Variants in H2BC4 observed in about 807,000 individuals in gnomAD.
H2BC4 encodes the protein histone H2B type 1-C/E/F/G/I.
Under a neutral mutation model 6.2 loss-of-function variants are expected in H2BC4, and 10 were observed. That is an observed-to-expected ratio of 1.61 (90% confidence interval 0.99 to 2.73). The LOEUF (loss-of-function observed/expected upper bound fraction) is 2.73, where lower values mean the gene tolerates loss of function less well. Ranked by LOEUF, H2BC4 falls within the 30% of genes most tolerant of loss-of-function variation. The probability of loss-of-function intolerance (pLI) is 0.00; values close to 1 mark genes in which losing one functional copy is unlikely to be tolerated. For missense variants in H2BC4, 176 were observed against 168.7 expected (o/e 1.04, Z -0.24); for synonymous variants, 146 against 70.7 (o/e 2.07, Z -5.35).
downstream of H2BC4, among the ~76,000 whole-genome samples, chr6:26,121,362 G>T (rs940784868): frequency 6.6e-6 from 1 of 152,068 alleles, no homozygotes; most frequent in Admixed American, 6.6e-5. Context: ...AAACAAACGC[G>T]GACGATAAAC....
rs1378944708 is a variant in H2BC4, at chr6:26,116,183, C to T, written c.*10-1048G>A. On this transcript the variant is annotated intron_variant, in intron 1 of 1. Transcript: ENST00000314332. ...TAGCCTCCTCTACATAGGTCTATTTCCTCATAGAATGAGAGAAGCCCCATC... is the reference window on the plus strand; with the variant it reads ...TAGCCTCCTCTACATAGGTCTATTTTCTCATAGAATGAGAGAAGCCCCATC... 2.6e-5 allele frequency among the ~76,000 whole-genome samples: 4 copies of T among 152,140 alleles called. No individual in the cohort carries two copies. In the South Asian group the frequency reaches 6.2e-4, roughly 24 times the overall value.
rs759212645 is a variant in H2BC4 at position 26,123,827 on chromosome 6, ATCTT to A, written c.74_77del (p.Lys25MetfsTer21). 5.0e-6 allele frequency: 8 copies of A among 1,614,124 alleles called. No homozygotes were observed. The highest frequency in any genetic ancestry group is 6.8e-6 in the Non-Finnish European group (8 of 1,180,050). ...TGCGGCTGCGCTTGCGCTTCTTGCC[ATCTT>A]TCTTCTGCGCTTTGGTCACTGCCTT... On this transcript the variant is annotated frameshift_variant, in exon 1 of 1. Coordinates refer to ENST00000396984, the MANE Select transcript of H2BC4 (RefSeq NM_003526.3). LOFTEE classifies it high-confidence loss of function.
Position 26,123,727 on chromosome 6 carries a change from T to G in H2BC4, c.178A>C (p.Met60Leu). ...HPDTGISSKA[M>L]GIMNSFVNDI... is the part of the protein sequence containing the mutation. ...TTAACGAAAGAATTCATGATGCCCATGGCCTTGGAAGAGATGCCAGTGTCG... is the reference window on the plus strand; with the variant it reads ...TTAACGAAAGAATTCATGATGCCCAGGGCCTTGGAAGAGATGCCAGTGTCG... Residue 60 changes from methionine (M) to leucine (L), a missense_variant, in exon 1 of 1, where the codon ATG (methionine) becomes CTG (leucine). By Grantham distance (15) the Met-to-Leu change is conservative (BLOSUM62 2). Coordinates refer to ENST00000396984, the MANE Select transcript of H2BC4 (RefSeq NM_003526.3). 1 of 1,614,276 alleles carries G rather than the reference T, an allele frequency of 6.2e-7. No homozygotes were observed. The highest frequency in any genetic ancestry group is 8.5e-7 in the Non-Finnish European group (1 of 1,180,040).
downstream of H2BC4, among the ~76,000 whole-genome samples, chr6:26,122,252 G>C (rs544271743): frequency 2.6e-5 from 4 of 152,080 alleles, no homozygotes; most frequent in Admixed American, 2.0e-4. Context: ...GCAGATTTAA[G>C]ATCACACAGT....
At chr6:26,114,677 G>A (rs1379961885), downstream of H2BC4, among the ~76,000 whole-genome samples, 1 of 151,670 alleles carries the variant, frequency 6.6e-6, no homozygotes, top group Non-Finnish European at 1.5e-5. Flanking sequence ...CATAAAAATG[G>A]GAATCAATTG....
chr6:26,119,158 G>A (rs559513735), downstream of H2BC4, among the ~76,000 whole-genome samples: 2 of 151,910 alleles, frequency 1.3e-5, no homozygotes, highest in Admixed American at 6.6e-5. Flanking sequence ...TTGTGTTCCC[G>A]CATAGGCATG....
downstream of H2BC4, among the ~76,000 whole-genome samples, chr6:26,121,752 GA>G (rs869262866): frequency 3.8e-4 from 54 of 141,908 alleles, no homozygotes; most frequent in Admixed American, 1.2e-3. Context: ...TAGAGGCATA[GA>G]AAAAAAAAAA....
downstream of H2BC4, chr6:26,114,813 G>A (rs977643615): frequency 4.0e-5 from 6 of 151,592 alleles, no homozygotes; most frequent in African/African-American, 1.2e-4. Flanking sequence ...TATGATACAT[G>A]ATGTGAGATA....
At chr6:26,118,784 G>GT (rs1321618663), downstream of H2BC4, among the ~76,000 whole-genome samples, 5 of 152,106 alleles carry the variant, frequency 3.3e-5, no homozygotes, top group Non-Finnish European at 7.4e-5. Context: ...TTCCAAATGT[G>GT]TTTACACTGG....
downstream of H2BC4, chr6:26,123,270 T>G (rs1362695799): frequency 4.9e-6 from 3 of 608,892 alleles, no homozygotes; most frequent in Admixed American, 3.7e-5. Flanking sequence ...AATGGCCGCT[T>G]GTCTCCATTT....
rs1561955447 is a variant in H2BC4, at chr6:26,123,559, T to G, written c.346A>C (p.Thr116Pro). 6.2e-7 allele frequency: 1 copy of G among 1,614,250 alleles called. No homozygotes were observed. Among genetic ancestry groups the G allele is most frequent in the Non-Finnish European group, 8.5e-7 (1 of 1,180,036 alleles). ...CTGGTGTACTTGGTGACGGCCTTGGTGCCCTCCGACACGGCGTGCTTGGCC... is the reference window on the plus strand; with the variant it reads ...CTGGTGTACTTGGTGACGGCCTTGGGGCCCTCCGACACGGCGTGCTTGGCC... ...ELAKHAVSEG[T>P]KAVTKYTSSK Residue 116 changes from threonine (T) to proline (P), a missense_variant, in exon 1 of 1, where the codon ACC becomes CCC. Thr to Pro is a conservative substitution (Grantham distance 38). Coordinates refer to ENST00000396984, the MANE Select transcript of H2BC4 (RefSeq NM_003526.3).
chr6:26,117,540 T>C (rs1763439056), intron 1 of H2BC4, among the ~76,000 whole-genome samples: 4 of 152,208 alleles, frequency 2.6e-5, no homozygotes, highest in Admixed American at 1.3e-4. Flanking sequence ...GCAGCCATTT[T>C]ACTAGCATGA....
downstream of H2BC4, among the ~76,000 whole-genome samples, chr6:26,119,305 T>A (rs1003846354): frequency 2.6e-5 from 4 of 152,220 alleles, no homozygotes; most frequent in Non-Finnish European, 5.9e-5. Flanking sequence ...TATCTGTTTA[T>A]CAATGGTTAT....
chr6:26,121,615 T>C (rs562693382), downstream of H2BC4, among the ~76,000 whole-genome samples: 5 of 152,126 alleles, frequency 3.3e-5, no homozygotes, highest in Admixed American at 1.3e-4. Flanking sequence ...ACATAATCTA[T>C]GTAAGAGAAA....
intron 1 of H2BC4, among the ~76,000 whole-genome samples, chr6:26,116,556 G>A (rs1322809611): frequency 6.6e-6 from 1 of 151,940 alleles, no homozygotes; most frequent in African/African-American, 2.4e-5. Context: ...AATTAGCTTG[G>A]CATGGTGGTG....
At chr6:26,121,362 G>C (rs940784868), downstream of H2BC4, among the ~76,000 whole-genome samples, 7 of 152,068 alleles carry the variant, frequency 4.6e-5, no homozygotes, top group East Asian at 3.8e-4. Flanking sequence ...AAACAAACGC[G>C]GACGATAAAC....
At chr6:26,113,816 C>T (rs574208905), downstream of H2BC4, among the ~76,000 whole-genome samples, 114 of 151,750 alleles carry the variant, frequency 7.5e-4, no homozygotes, top group African/African-American at 2.7e-3. Flanking sequence ...ACTGTGAGAG[C>T]TCACATAGCC....
chr6:26,120,620 C>T (rs1470412680), downstream of H2BC4, among the ~76,000 whole-genome samples: 1 of 152,130 alleles, frequency 6.6e-6, no homozygotes, highest in African/African-American at 2.4e-5. Flanking sequence ...TCAGGTGGCA[C>T]CACTGCTGAG....
chr6:26,119,183 A>G (rs1302801560), downstream of H2BC4, among the ~76,000 whole-genome samples: 2 of 152,188 alleles, frequency 1.3e-5, no homozygotes, highest in Admixed American at 6.5e-5. Context: ...AAACAGAGGC[A>G]GTCATCCAAA....
Sources: gnomAD v4.1 joint callset for allele counts (sites outside exome capture counted in the v4.1 genomes callset) on GRCh38, gnomAD v4.1.1 for gene constraint, MANE v1.5 for transcripts, NCBI Gene and HGNC (gene_info 2026-07-23, HGNC 2026-07-21) for gene names.